The following EPHA3 variants were observed in gnomAD, a reference collection of about 807,000 sequenced individuals.
EPHA3 encodes the protein ephrin type-A receptor 3.
EPHA3 carries 42 observed loss-of-function variants against 107.1 expected under a neutral mutation model. The ratio of observed to expected loss-of-function variants is 0.39; its 90% CI spans 0.31 to 0.51. The LOEUF (loss-of-function observed/expected upper bound fraction) is 0.51. Among genes scored for constraint, EPHA3 ranks in the 20% least tolerant of loss-of-function variants. The probability of loss-of-function intolerance (pLI) is 0.78; values close to 1 mark genes in which losing one functional copy is unlikely to be tolerated. For synonymous variants in EPHA3, 461 were observed against 424.8 expected, an observed-to-expected ratio of 1.09 and a Z score of -1.05; for missense variants, 1,183 against 1,211.2, an observed-to-expected ratio of 0.98 and a Z score of 0.35.
chr3:89,342,125 T>C (rs1266271629), intron 5 of EPHA3, 35 bp downstream of exon 5: 4 of 1,550,010 alleles, frequency 2.6e-6, no homozygotes, highest in South Asian at 2.4e-5. Context: ...ACTCTTATCA[T>C]ATCACGTCTG....
intron 1 of EPHA3, 37 bp from the exon 2 acceptor site, chr3:89,127,172 G>T: frequency 6.7e-7 from 1 of 1,496,468 alleles, no homozygotes. Context: ...ATAATTCACT[G>T]TTATTAACTG....
In EPHA3 at chr3:89,407,315, T is replaced by C. The variant is rs1388694767; in HGVS notation, c.1641T>C (p.Ile547=). 6.2e-7 allele frequency: 1 copy of C among 1,613,668 alleles called. No homozygotes were observed. The highest frequency in any genetic ancestry group is 8.5e-7 in the Non-Finnish European group (1 of 1,179,656). ...GESSQVVMIA[I]SAAVAIILLT... The stretch of plus-strand genomic sequence containing the variant: ...GTAGCCAAGTGGTCATGATCGCCAT[T>C]TCAGCGGCAGTAGCAATTATTCTCC... Residue 547 remains isoleucine, a synonymous_variant, in exon 8 of 17, where the codon ATT becomes ATC. Transcript: ENST00000336596.
rs2107581461 is a variant in EPHA3 at position 89,479,418 on chromosome 3, C to G, written c.2868C>G (p.Val956=). The G allele has an allele frequency of 6.2e-7, 1 of 1,614,068 alleles. No homozygotes were observed. Among genetic ancestry groups the G allele is most frequent in the Non-Finnish European group, 8.5e-7 (1 of 1,179,954 alleles). The change falls in exon 17 of 17, where the codon GTC becomes GTG. Residue 956 remains valine (V), a synonymous_variant. Transcript: ENST00000336596. ...ACAGTGACATGAAAAAGGTTGGTGTCACCGTGGTTGGGCCACAGAAGAAGA... is the reference window on the plus strand; with the variant it reads ...ACAGTGACATGAAAAAGGTTGGTGTGACCGTGGTTGGGCCACAGAAGAAGA... ...ISTDDMKKVG[V]TVVGPQKKII... is the part of the protein sequence containing the mutation.
intron 5 of EPHA3, among the ~76,000 whole-genome samples, chr3:89,373,908 A>G (rs192700674): frequency 1.3e-5 from 2 of 151,962 alleles, no homozygotes; most frequent in South Asian, 2.1e-4. Context: ...AAGTACTAGA[A>G]TTTAACTCTA....
chr3:89,397,015 C>G (rs544885424), intron 6 of EPHA3, among the ~76,000 whole-genome samples: 1 of 152,108 alleles, frequency 6.6e-6, no homozygotes, highest in Non-Finnish European at 1.5e-5. Context: ...TTCCCTATAT[C>G]AGGTACCTTT....
intron 3 of EPHA3, among the ~76,000 whole-genome samples, chr3:89,248,835 C>A (rs189659050): frequency 3.3e-5 from 5 of 152,266 alleles, no homozygotes; most frequent in Admixed American, 6.5e-5. Context: ...AATTCATGTT[C>A]TTTAAAGGAC....
intron 5 of EPHA3, among the ~76,000 whole-genome samples, chr3:89,362,736 A>C (rs1708118903): frequency 6.6e-6 from 1 of 151,030 alleles, no homozygotes; most frequent in Non-Finnish European, 1.5e-5. Context: ...ACATGGGATG[A>C]GTGGCAGGAA....
chr3:89,413,389 A>C (rs983418894), intron 10 of EPHA3, 123 bp downstream of exon 10: 1 of 1,237,874 alleles, frequency 8.1e-7, no homozygotes, highest in African/African-American at 1.5e-5. Context: ...AAAGGCAAGT[A>C]ATAAATAAGT....
At chr3:89,379,619 TAGA>T (rs141704393) in intron 5 of EPHA3, among the ~76,000 whole-genome samples, 2,427 of 152,270 alleles carry the variant, frequency 0.016, 66 homozygotes, top group African/African-American at 0.055. Context: ...GCTTCTAAGT[TAGA>T]AAACAAAGAC....
rs560321059 is a variant in EPHA3, at chr3:89,156,797, T to A, written c.153+29524T>A. On this transcript the variant is annotated intron_variant, in intron 2 of 16. Transcript: ENST00000336596. ...CGAGACCATGAAAGTGCTAAATATATAAGAATATAAGATTCTGATGACTTT... is the reference window on the plus strand; with the variant it reads ...CGAGACCATGAAAGTGCTAAATATAAAAGAATATAAGATTCTGATGACTTT... 1.1e-3 allele frequency among the ~76,000 whole-genome samples: 165 copies of A among 152,108 alleles called. 1 individual carries two copies. Among genetic ancestry groups the A allele is most frequent in the Middle Eastern group, 6.8e-3 (2 of 294 alleles).
chr3:89,170,598 G>A (rs968092602), intron 2 of EPHA3, among the ~76,000 whole-genome samples: 10 of 152,152 alleles, frequency 6.6e-5, no homozygotes, highest in South Asian at 2.1e-4. Flanking sequence ...AGGTGCTGTT[G>A]CGACTACTCT....
rs547896432 is a variant in EPHA3, at chr3:89,468,617, C to G, written c.2691-3847C>G. Among the ~76,000 whole-genome samples the G allele has an allele frequency of 7.9e-5, 12 of 152,208 alleles. No individual in the cohort carries two copies. In the South Asian group the frequency reaches 1.2e-3, roughly 16 times the overall value. ...GTAGACAGAGAAACTGTGGCGTGTGCGCGCGCATGCCTGTAGATAGTTTAA... is the reference window on the plus strand; with the variant it reads ...GTAGACAGAGAAACTGTGGCGTGTGGGCGCGCATGCCTGTAGATAGTTTAA... On this transcript the variant is annotated intron_variant, in intron 15 of 16. Coordinates refer to ENST00000336596, the MANE Select transcript of EPHA3 (RefSeq NM_005233.6).
chr3:89,243,881 T>C (rs2107250169), intron 3 of EPHA3, among the ~76,000 whole-genome samples: 1 of 152,286 alleles, frequency 6.6e-6, no homozygotes, highest in South Asian at 2.1e-4. Flanking sequence ...CCAGGACTCA[T>C]TTATCTTACC....
intron 1 of EPHA3, 39 bp downstream of exon 1, chr3:89,107,875 G>C (rs1707011036): frequency 1.9e-6 from 3 of 1,587,414 alleles, no homozygotes; most frequent in Non-Finnish European, 2.6e-6. Flanking sequence ...TCTGCCCCGC[G>C]GGGCTCACGC....
chr3:89,158,548 A>T (rs1284198469), intron 2 of EPHA3, among the ~76,000 whole-genome samples: 2 of 152,180 alleles, frequency 1.3e-5, no homozygotes, highest in Admixed American at 1.3e-4. Context: ...GTTAAGCAAG[A>T]TAAAATAAAT....
At chr3:89,223,049 A>G (rs1226311195) in intron 3 of EPHA3, among the ~76,000 whole-genome samples, 1 of 152,222 alleles carries the variant, frequency 6.6e-6, no homozygotes, top group Non-Finnish European at 1.5e-5. Context: ...CAACCCTTTC[A>G]TTAACATAAT....
At chr3:89,339,030 T>A (rs566658945) in intron 3 of EPHA3, among the ~76,000 whole-genome samples, 2 of 152,208 alleles carry the variant, frequency 1.3e-5, no homozygotes, top group South Asian at 4.1e-4. Flanking sequence ...ATAATAACCC[T>A]GAGATAATAA....
intron 3 of EPHA3, among the ~76,000 whole-genome samples, chr3:89,236,884 A>G (rs1452578951): frequency 6.6e-6 from 1 of 151,998 alleles, no homozygotes; most frequent in East Asian, 1.9e-4. Flanking sequence ...GGAGACAGGG[A>G]TGAAGTGAGG....
At chr3:89,452,452 G>A (rs1428094924) in intron 15 of EPHA3, among the ~76,000 whole-genome samples, 2 of 152,110 alleles carry the variant, frequency 1.3e-5, no homozygotes, top group African/African-American at 4.8e-5. Context: ...AATGACTAGC[G>A]ATGTTGAGTA....
Sources: allele counts gnomAD v4.1 joint callset (sites outside exome capture counted in the v4.1 genomes callset), GRCh38; gene constraint gnomAD v4.1.1; transcripts MANE v1.5; gene names NCBI Gene and HGNC (gene_info 2026-07-23, HGNC 2026-07-21).